The following CSNK1G1 variants were observed in gnomAD, a reference collection of about 807,000 sequenced individuals.
CSNK1G1 encodes casein kinase I isoform gamma-1.
In CSNK1G1, 22 loss-of-function variants were observed where a neutral mutation model predicts 59.6. The observed-to-expected ratio is 0.37, with a 90% CI of 0.26 to 0.53. The LOEUF (loss-of-function observed/expected upper bound fraction) is 0.53. Ranked by LOEUF, CSNK1G1 falls within the 20% of genes least tolerant of loss-of-function variation. CSNK1G1 has a pLI of 0.89. For synonymous variants in CSNK1G1, 179 were observed against 177.1 expected, an observed-to-expected ratio of 1.01 and a Z score of -0.08; for missense variants, 384 against 519.5, an observed-to-expected ratio of 0.74 and a Z score of 2.54.
rs35737925 is a variant in CSNK1G1 at position 64,169,530 on chromosome 15, GC to G, written c.*2400del. 0.19 allele frequency: 29,112 copies of G among 152,272 alleles called. 3,806 individuals are homozygous for G. Among genetic ancestry groups the G allele is most frequent in the African/African-American group, 0.38 (15,680 of 41,448 alleles). The allele number at this position is 152,272 out of a possible 1,614,324, so 9.4% of individuals were successfully genotyped here. A position where few individuals can be genotyped will look rare whatever the true frequency, so the allele number is the denominator to read the frequency against. ...TTACAGGCGTGAGCCACTGCACCTG[GC>G]CCCCCCTCTGCCCTCTCTTGAGAGG... On this transcript the variant is annotated 3_prime_UTR_variant, in exon 12 of 12. Transcript: ENST00000303052.
intron 4 of CSNK1G1, among the ~76,000 whole-genome samples, chr15:64,221,451 T>TA (rs1366278434): frequency 4.6e-5 from 7 of 152,214 alleles, no homozygotes; most frequent in Middle Eastern, 3.4e-3. Context: ...TTGGAAGAAT[T>TA]AAGAGTTCCT....
chr15:64,218,555 T>C (rs2082342957), intron 4 of CSNK1G1, among the ~76,000 whole-genome samples: 1 of 151,904 alleles, frequency 6.6e-6, no homozygotes, highest in South Asian at 2.1e-4. Context: ...CCACCAATTT[T>C]TTTTTGCATT....
At chr15:64,236,942 A>C (rs1020962189) in intron 4 of CSNK1G1, among the ~76,000 whole-genome samples, 2 of 152,224 alleles carry the variant, frequency 1.3e-5, no homozygotes, top group African/African-American at 2.4e-5. Context: ...CATACATAAT[A>C]GAGTAATATT....
intron 2 of CSNK1G1, among the ~76,000 whole-genome samples, chr15:64,296,510 C>A (rs1453555935): frequency 6.6e-6 from 1 of 152,170 alleles, no homozygotes; most frequent in Non-Finnish European, 1.5e-5. Context: ...AAAACTATAT[C>A]TTCTTATTTC....
chr15:64,189,558 A>G, intron 10 of CSNK1G1: 1 of 915,944 alleles, frequency 1.1e-6, no homozygotes, highest in South Asian at 2.0e-5. Context: ...CTGCTGATAT[A>G]AACAGCTGCA....
At chr15:64,180,320 T>G in intron 11 of CSNK1G1, 28 bp downstream of exon 11, 1 of 1,556,210 alleles carries the variant, frequency 6.4e-7, no homozygotes, top group African/African-American at 1.4e-5. Context: ...ACCCATGACT[T>G]AAGAGCCCCC....
At chr15:64,281,791 G>C (rs1247043523) in intron 2 of CSNK1G1, among the ~76,000 whole-genome samples, 2 of 150,056 alleles carry the variant, frequency 1.3e-5, no homozygotes, top group African/African-American at 4.9e-5. Flanking sequence ...AGTGAGCCGA[G>C]ACTGTGCCGA....
chr15:64,290,311 A>G (rs915894276), intron 2 of CSNK1G1, among the ~76,000 whole-genome samples: 1 of 151,720 alleles, frequency 6.6e-6, no homozygotes, highest in Non-Finnish European at 1.5e-5. Flanking sequence ...GATTTTATAT[A>G]TATATATACA....
chr15:64,250,715 A>G (rs1892028970), intron 4 of CSNK1G1, among the ~76,000 whole-genome samples: 1 of 152,130 alleles, frequency 6.6e-6, no homozygotes, highest in African/African-American at 2.4e-5. Context: ...ACTGCACTCC[A>G]GTCTGGGTGA....
intron 2 of CSNK1G1, among the ~76,000 whole-genome samples, chr15:64,289,208 G>A (rs992666722): frequency 6.7e-6 from 1 of 149,394 alleles, no homozygotes; most frequent in African/African-American, 2.5e-5. Flanking sequence ...TTCCGGAATT[G>A]TTTGGCAAGC....
intron 2 of CSNK1G1, among the ~76,000 whole-genome samples, chr15:64,268,328 G>A (rs1443812364): frequency 6.6e-6 from 1 of 152,170 alleles, no homozygotes; most frequent in Non-Finnish European, 1.5e-5. Flanking sequence ...GAGGGAGAAG[G>A]AAGAGGAATA....
chr15:64,201,924 G>A (rs1402792506), intron 10 of CSNK1G1, among the ~76,000 whole-genome samples: 1 of 151,932 alleles, frequency 6.6e-6, no homozygotes, highest in Non-Finnish European at 1.5e-5. Context: ...ATTATGCTTT[G>A]CTTATTTACC....
intron 4 of CSNK1G1, among the ~76,000 whole-genome samples, chr15:64,247,614 A>G (rs1891827524): frequency 6.6e-6 from 1 of 152,220 alleles, no homozygotes; most frequent in Non-Finnish European, 1.5e-5. Context: ...GACAATGTGG[A>G]AGACCTCCAA....
intron 2 of CSNK1G1, among the ~76,000 whole-genome samples, chr15:64,260,462 AAAC>A (rs1892633911): frequency 6.6e-6 from 1 of 152,282 alleles, no homozygotes; most frequent in African/African-American, 2.4e-5. Flanking sequence ...ATAAATAAAA[AAAC>A]AAGCTGGGTG....
At chr15:64,180,740 GT>G (rs765483728) in intron 10 of CSNK1G1, among the ~76,000 whole-genome samples, 1 of 152,142 alleles carries the variant, frequency 6.6e-6, no homozygotes, top group African/African-American at 2.4e-5. Context: ...TATGAAATAG[GT>G]TTTTTTACAG....
intron 1 of CSNK1G1, among the ~76,000 whole-genome samples, chr15:64,323,869 T>TA (rs748749441): frequency 6.6e-6 from 1 of 152,218 alleles, no homozygotes; most frequent in Non-Finnish European, 1.5e-5. Context: ...TCTATAAAAA[T>TA]AGTTTGCTTT....
At chr15:64,264,509 A>G (rs1276818875) in intron 2 of CSNK1G1, among the ~76,000 whole-genome samples, 1 of 152,208 alleles carries the variant, frequency 6.6e-6, no homozygotes, top group Non-Finnish European at 1.5e-5. Flanking sequence ...GGGGAATAAT[A>G]CTTCTAAACT....
Position 64,168,105 on chromosome 15 carries a change from C to T in CSNK1G1, c.*3826G>A, listed in dbSNP as rs966644160. ...ATGGACAGGGACTGTTTTCTAAGTA[C>T]TTGGAGTTCATTTAGAAAAAAGAGA... On this transcript the variant is annotated 3_prime_UTR_variant, in exon 12 of 12. Transcript: ENST00000303052. The T allele has an allele frequency of 3.3e-5, 5 of 152,552 alleles. No homozygotes were observed. The highest frequency in any genetic ancestry group is 1.2e-4 in the African/African-American group (5 of 41,428). The allele number at this position is 152,552 out of a possible 1,614,324, so 9.4% of individuals were successfully genotyped here.
intron 2 of CSNK1G1, among the ~76,000 whole-genome samples, chr15:64,267,202 A>G (rs1378701337): frequency 1.3e-5 from 2 of 150,266 alleles, no homozygotes; most frequent in African/African-American, 2.5e-5. Context: ...GGTTGAAGTG[A>G]GCCAAGACTG....
Sources: gnomAD v4.1 joint callset for allele counts (sites outside exome capture counted in the v4.1 genomes callset) on GRCh38, gnomAD v4.1.1 for gene constraint, MANE v1.5 for transcripts, NCBI Gene and HGNC (gene_info 2026-07-23, HGNC 2026-07-21) for gene names.